CDH23: variants seen among roughly 807,000 people sequenced by gnomAD.
The protein encoded by CDH23 is cadherin related 23, also known as cadherin-23.
Under a neutral mutation model 317.1 loss-of-function variants are expected in CDH23, and 189 were observed. The ratio of observed to expected loss-of-function variants is 0.60; its 90% CI spans 0.53 to 0.67. CDH23 has a LOEUF of 0.67. CDH23 is among the 30% of genes least tolerant of loss of function. The pLI is 0.00. For missense variants in CDH23, 4,401 were observed against 4,592.4 expected (o/e 0.96, Z 1.20); for synonymous variants, 1,839 against 1,876.8 (o/e 0.98, Z 0.52).
At chr10:71,697,582 A>T (rs1865440017) in intron 22 of CDH23, among the ~76,000 whole-genome samples, 1 of 152,132 alleles carries the variant, frequency 6.6e-6, no homozygotes, top group African/African-American at 2.4e-5. Context: ...CTAAGGCAAG[A>T]TGATTTTTGA....
chr10:71,469,735 A>G (rs1012390265), intron 3 of CDH23, among the ~76,000 whole-genome samples: 2 of 152,040 alleles, frequency 1.3e-5, no homozygotes, highest in African/African-American at 4.8e-5. Flanking sequence ...CCTCCCAAGT[A>G]ACTTGGAGTA....
chr10:71,501,459 G>C (rs916160864), intron 3 of CDH23, among the ~76,000 whole-genome samples: 1 of 152,130 alleles, frequency 6.6e-6, no homozygotes, highest in Non-Finnish European at 1.5e-5. Context: ...CAGTGAGGGC[G>C]TCGATCAGTG....
intron 1 of CDH23, among the ~76,000 whole-genome samples, chr10:71,408,060 G>A (rs1400459638): frequency 6.6e-6 from 1 of 152,164 alleles, no homozygotes; most frequent in Non-Finnish European, 1.5e-5. Flanking sequence ...CTTGAATTAT[G>A]TGGGATTTAC....
intron 1 of CDH23, among the ~76,000 whole-genome samples, chr10:71,403,235 C>T (rs2131893176): frequency 6.6e-6 from 1 of 152,210 alleles, no homozygotes; most frequent in African/African-American, 2.4e-5. Context: ...TGTCCATGTT[C>T]CCAATCAACA....
intron 9 of CDH23, among the ~76,000 whole-genome samples, chr10:71,613,438 C>T (rs531048840): frequency 4.6e-5 from 7 of 152,134 alleles, no homozygotes; most frequent in Non-Finnish European, 8.8e-5. Flanking sequence ...TTAGAGATTC[C>T]GAAGGCATAG....
At chr10:71,494,219 G>T (rs1055469604) in intron 3 of CDH23, among the ~76,000 whole-genome samples, 1 of 152,114 alleles carries the variant, frequency 6.6e-6, no homozygotes, top group East Asian at 1.9e-4. Flanking sequence ...TGAGGACTTG[G>T]CCCTATCTCT....
chr10:71,784,758 T>A, intron 42 of CDH23, 133 bp from the exon 43 acceptor site: 1 of 700,846 alleles, frequency 1.4e-6, no homozygotes, highest in Middle Eastern at 3.0e-4. Context: ...CCTCTCCCCT[T>A]TTCTCTTTCT....
intron 1 of CDH23, among the ~76,000 whole-genome samples, chr10:71,431,873 C>A (rs912958647): frequency 7.9e-5 from 12 of 152,212 alleles, no homozygotes; most frequent in Non-Finnish European, 1.8e-4. Context: ...GAGATGGTCA[C>A]GGTGGGGGCC....
intron 9 of CDH23, among the ~76,000 whole-genome samples, chr10:71,580,010 C>T (rs936328945): frequency 3.3e-5 from 5 of 152,164 alleles, no homozygotes; most frequent in African/African-American, 1.2e-4. Context: ...AGCAGAGAGC[C>T]AGGACTTGGT....
At position 71,807,524 on chromosome 10, in the gene CDH23, GA is replaced by G; in HGVS notation, c.8319del (p.Glu2774ArgfsTer63). The G allele has an allele frequency of 6.2e-7, 1 of 1,613,794 alleles. No individual in the cohort carries two copies. The highest frequency in any genetic ancestry group is 8.5e-7 in the Non-Finnish European group (1 of 1,179,786). On this transcript the variant is annotated frameshift_variant, in exon 59 of 70. Coordinates refer to ENST00000224721, the MANE Select transcript of CDH23 (RefSeq NM_022124.6). LOFTEE classifies it high-confidence loss of function. ...IVYYFIAAGNEEKNFHLQPDG... is the reference protein window; with the variant it reads ...IVYYFIAAGNXEKNFHLQPDG... ...CATGATCCCACCCTCAGCCGGCAAC[GA>G]AGAGAAGAACTTCCATCTGCAGCCC... is the stretch of plus-strand genomic sequence containing the variant.
chr10:71,596,890 C>T (rs751856880), intron 9 of CDH23, among the ~76,000 whole-genome samples: 67 of 152,308 alleles, frequency 4.4e-4, no homozygotes, highest in Non-Finnish European at 1.3e-4. Flanking sequence ...CTCCCAGCCC[C>T]GGTCCCCACC....
chr10:71,447,556 C>G (rs1302838466), intron 3 of CDH23, among the ~76,000 whole-genome samples: 4 of 151,946 alleles, frequency 2.6e-5, no homozygotes, highest in Non-Finnish European at 4.4e-5. Flanking sequence ...TTCCTGGGGG[C>G]TGTGGGGGGC....
chr10:71,568,535 C>T (rs1305087293), intron 7 of CDH23, among the ~76,000 whole-genome samples: 3 of 152,166 alleles, frequency 2.0e-5, no homozygotes, highest in Admixed American at 1.3e-4. Context: ...AGTTAAATTG[C>T]TGTTACTCTC....
At chr10:71,596,152 A>G (rs1436840873) in intron 9 of CDH23, among the ~76,000 whole-genome samples, 1 of 151,944 alleles carries the variant, frequency 6.6e-6, no homozygotes, top group Non-Finnish European at 1.5e-5. Flanking sequence ...CTACAGTGAG[A>G]GAGGAAACAA....
intron 3 of CDH23, among the ~76,000 whole-genome samples, chr10:71,505,163 G>A (rs1462382163): frequency 1.3e-5 from 2 of 152,194 alleles, no homozygotes; most frequent in Admixed American, 1.3e-4. Context: ...GAGTGAGGAA[G>A]TGAGACAGGA....
intron 9 of CDH23, 70 bp from the exon 10 acceptor site, chr10:71,615,434 C>T: frequency 9.7e-7 from 1 of 1,028,684 alleles, no homozygotes; most frequent in Non-Finnish European, 1.5e-6. Context: ...AGCTCCATGC[C>T]CCCCTGCCCC....
At chr10:71,529,265 G>T (rs1269856797) in intron 6 of CDH23, among the ~76,000 whole-genome samples, 1 of 152,210 alleles carries the variant, frequency 6.6e-6, no homozygotes, top group Admixed American at 6.5e-5. Flanking sequence ...AGGGCCATGG[G>T]CCAAGCAAGA....
chr10:71,567,086 G>A, intron 7 of CDH23, 150 bp downstream of exon 7: 1 of 852,078 alleles, frequency 1.2e-6, no homozygotes, highest in East Asian at 2.7e-5. Flanking sequence ...ATAGAAATGA[G>A]GCTGGCATTA....
intron 3 of CDH23, among the ~76,000 whole-genome samples, chr10:71,455,507 C>T (rs140374446): frequency 1.3e-5 from 2 of 152,138 alleles, no homozygotes; most frequent in East Asian, 1.9e-4. Context: ...TATATTCATT[C>T]GTTCAACAAA....
Sources: allele counts gnomAD v4.1 joint callset (sites outside exome capture counted in the v4.1 genomes callset), GRCh38; gene constraint gnomAD v4.1.1; transcripts MANE v1.5; gene names NCBI Gene and HGNC (gene_info 2026-07-23, HGNC 2026-07-21).